The following ARID4B variants were observed in gnomAD, a reference collection of about 807,000 sequenced individuals.
ARID4B encodes AT-rich interaction domain 4B.
ARID4B carries 26 observed loss-of-function variants against 147.5 expected under a neutral mutation model. The ratio of observed to expected loss-of-function variants is 0.18; its 90% CI spans 0.13 to 0.24. The LOEUF is 0.24. Ranked by LOEUF, ARID4B falls within the 10% of genes least tolerant of loss-of-function variation. ARID4B has a pLI of 1.00. For synonymous variants in ARID4B, 512 were observed against 507.9 expected, an observed-to-expected ratio of 1.01 and a Z score of -0.11; for missense variants, 1,179 against 1,511.5, an observed-to-expected ratio of 0.78 and a Z score of 3.65.
chr1:235,183,823 G>T (rs1664490757), intron 19 of ARID4B, among the ~76,000 whole-genome samples: 1 of 149,170 alleles, frequency 6.7e-6, no homozygotes, highest in African/African-American at 2.5e-5. Context: ...TCTGAGACAG[G>T]GTCTTACTCT....
chr1:235,295,380 C>T (rs984485875), intron 2 of ARID4B, among the ~76,000 whole-genome samples: 1 of 147,994 alleles, frequency 6.8e-6, no homozygotes, highest in African/African-American at 2.5e-5. Flanking sequence ...CATGGTGGCA[C>T]GTGCCTGTAA....
chr1:235,270,502 T>A (rs1670912494), intron 2 of ARID4B, among the ~76,000 whole-genome samples: 1 of 152,172 alleles, frequency 6.6e-6, no homozygotes, highest in Admixed American at 6.5e-5. Context: ...TAGATCCACA[T>A]CTCATAAACC....
chr1:235,194,021 C>T lies in ARID4B; in HGVS notation c.2117G>A (p.Gly706Glu). Reference sequence around the variant, plus strand: ...ACGATTGTTATGTTTACCTTGAAGTCCATTAAGGATCGAAGTAATTTCTAT... The same window carrying T: ...ACGATTGTTATGTTTACCTTGAAGTTCATTAAGGATCGAAGTAATTTCTAT... Reference protein sequence around the residue: ...KSIEITSILNGLQASESSAED... With the variant: ...KSIEITSILNELQASESSAED... Residue 706 changes from glycine (G) to glutamate (E), a missense_variant, in exon 19 of 24, where the codon GGA (glycine) becomes GAA (glutamate). Gly to Glu is a moderately conservative substitution (Grantham distance 98). Around this residue, in one of 10 missense-constraint regions of ARID4B, gnomAD observed 321 missense variants for 342.4 expected, o/e 0.94. Coordinates refer to ENST00000264183, the MANE Select transcript of ARID4B (RefSeq NM_016374.6). 1.3e-6 allele frequency: 2 copies of T among 1,596,954 alleles called. No individual in the cohort carries two copies. Among genetic ancestry groups the T allele is most frequent in the Non-Finnish European group, 1.7e-6 (2 of 1,165,400 alleles).
chr1:235,223,113 C>G, intron 13 of ARID4B, 53 bp downstream of exon 13: 1 of 1,235,086 alleles, frequency 8.1e-7, no homozygotes, highest in South Asian at 1.4e-5. Flanking sequence ...TGGCAGATAC[C>G]TGAGAAAACA....
At chr1:235,185,006 G>A (rs1317863277) in intron 19 of ARID4B, among the ~76,000 whole-genome samples, 1 of 152,104 alleles carries the variant, frequency 6.6e-6, no homozygotes, top group Non-Finnish European at 1.5e-5. Context: ...TAGTAGAGAT[G>A]AAGTTTCATC....
At chr1:235,178,611 A>C (rs762159969) in intron 20 of ARID4B, among the ~76,000 whole-genome samples, 1 of 152,240 alleles carries the variant, frequency 6.6e-6, no homozygotes, top group South Asian at 2.1e-4. Context: ...CTGATCAATC[A>C]CTACTCTGAA....
chr1:235,245,262 T>C (rs1376283249), intron 7 of ARID4B, among the ~76,000 whole-genome samples: 2 of 152,180 alleles, frequency 1.3e-5, no homozygotes, highest in Non-Finnish European at 2.9e-5. Context: ...GCGTGCTTTA[T>C]TCTCATATTC....
chr1:235,213,672 A>G (rs1386595402), intron 17 of ARID4B, 97 bp downstream of exon 17: 2 of 1,322,538 alleles, frequency 1.5e-6, no homozygotes, highest in Non-Finnish European at 2.0e-6. Context: ...CTCAATTAGA[A>G]TACTAATAAA....
In ARID4B at chr1:235,167,189, A is replaced by AAAACGCATTGAAATTCCCACGTCGTATTG. The variant is rs1485952501; in HGVS notation, c.*1307_*1335dup. The AAAACGCATTGAAATTCCCACGTCGTATTG allele has an allele frequency of 9.7e-6, 2 of 206,234 alleles. No individual in the cohort carries two copies. The highest frequency in any genetic ancestry group is 4.6e-5 in the African/African-American group (2 of 43,828). 12.8% of individuals were successfully genotyped at this position (206,234 alleles called of 1,614,324 possible). A position where few individuals can be genotyped will look rare whatever the true frequency, so the allele number is the denominator to read the frequency against. ...ATTCTGACACGTTAGCATCTACAAC[A>AAAACGCATTGAAATTCCCACGTCGTATTG]AAACGCATTGAAATTCCCACGTCGT... On this transcript the variant is annotated 3_prime_UTR_variant, in exon 24 of 24. Transcript: ENST00000264183.
intron 21 of ARID4B, chr1:235,176,778 C>T (rs1446335298): frequency 2.2e-6 from 1 of 463,942 alleles, no homozygotes; most frequent in Non-Finnish European, 4.4e-6. Context: ...TCAGCAGAAC[C>T]TCGGGGAGCT....
intron 7 of ARID4B, among the ~76,000 whole-genome samples, chr1:235,241,766 C>A (rs1390436107): frequency 6.6e-6 from 1 of 151,962 alleles, no homozygotes; most frequent in Non-Finnish European, 1.5e-5. Context: ...ATCCGCCCAC[C>A]TCGCCTCCCA....
At chr1:235,176,607 C>G (rs1039049261) in intron 21 of ARID4B, 12 of 234,952 alleles carry the variant, frequency 5.1e-5, no homozygotes, top group South Asian at 4.6e-4. Context: ...CCAGCTCCCC[C>G]ACTGCTGCTC....
chr1:235,282,730 C>A (rs1446435183), intron 2 of ARID4B, among the ~76,000 whole-genome samples: 2 of 152,114 alleles, frequency 1.3e-5, no homozygotes, highest in Admixed American at 6.6e-5. Context: ...TAAAGACAAC[C>A]AAATTTAACC....
At chr1:235,306,459 T>C (rs1010921623) in intron 2 of ARID4B, among the ~76,000 whole-genome samples, 5 of 148,628 alleles carry the variant, frequency 3.4e-5, no homozygotes, top group African/African-American at 1.2e-4. Flanking sequence ...GCCGAGATCA[T>C]ACCACTGCAC....
intron 2 of ARID4B, among the ~76,000 whole-genome samples, chr1:235,321,745 C>G (rs1007418381): frequency 5.3e-5 from 8 of 152,118 alleles, no homozygotes; most frequent in Admixed American, 5.2e-4. Context: ...ATGATCCACC[C>G]ACCTCAGCCT....
chr1:235,200,531 A>G (rs185628041), intron 17 of ARID4B, among the ~76,000 whole-genome samples: 259 of 152,308 alleles, frequency 1.7e-3, no homozygotes, highest in African/African-American at 5.8e-3. Flanking sequence ...TTAAAATTAT[A>G]TAAGAAAGAA....
chr1:235,288,414 C>A (rs949581023), intron 2 of ARID4B, among the ~76,000 whole-genome samples: 1 of 152,200 alleles, frequency 6.6e-6, no homozygotes, highest in African/African-American at 2.4e-5. Flanking sequence ...CCTTCACTTA[C>A]ATACACGTAC....
intron 13 of ARID4B, among the ~76,000 whole-genome samples, chr1:235,221,884 C>CTT (rs1370136402): frequency 1.1e-4 from 9 of 78,560 alleles, no homozygotes; most frequent in Non-Finnish European, 2.0e-4. Flanking sequence ...AGTCATTTGA[C>CTT]TATTTTTTTT....
chr1:235,288,190 T>C (rs1395296312), intron 2 of ARID4B, among the ~76,000 whole-genome samples: 1 of 152,114 alleles, frequency 6.6e-6, no homozygotes, highest in Non-Finnish European at 1.5e-5. Flanking sequence ...TGGGCACCTG[T>C]AGTCACAGCT....
Sources: allele counts gnomAD v4.1 joint callset (sites outside exome capture counted in the v4.1 genomes callset), GRCh38; gene constraint gnomAD v4.1.1; regional missense constraint gnomAD v4.1.1; transcripts MANE v1.5; gene names NCBI Gene and HGNC (gene_info 2026-07-23, HGNC 2026-07-21).